Variants in BRD7 observed in about 807,000 individuals in gnomAD.
BRD7 encodes bromodomain-containing protein 7.
In BRD7, 15 loss-of-function variants were observed where a neutral mutation model predicts 82.1. The ratio of observed to expected loss-of-function variants is 0.18; its 90% CI spans 0.12 to 0.28. The LOEUF is 0.28. BRD7 is among the 10% of genes least tolerant of loss of function. The probability of loss-of-function intolerance (pLI) is 1.00; values close to 1 mark genes in which losing one functional copy is unlikely to be tolerated. For missense variants in BRD7, 638 were observed against 779.9 expected (o/e 0.82, Z 2.17); for synonymous variants, 232 against 266.9 (o/e 0.87, Z 1.27).
chr16:50,343,278 T>G (rs2038146452), intron 5 of BRD7, among the ~76,000 whole-genome samples: 2 of 152,196 alleles, frequency 1.3e-5, no homozygotes, highest in Admixed American at 1.3e-4. Flanking sequence ...GATATCCCCC[T>G]TGCTGTTCTT....
chr16:50,358,266 T>G (rs1041922209), intron 2 of BRD7, among the ~76,000 whole-genome samples: 6 of 152,192 alleles, frequency 3.9e-5, no homozygotes, highest in African/African-American at 1.4e-4. Flanking sequence ...GGCTCACCCC[T>G]GTCATCCCAG....
chr16:50,363,015 G>A (rs2038989667), intron 2 of BRD7, among the ~76,000 whole-genome samples: 1 of 150,254 alleles, frequency 6.7e-6, no homozygotes, highest in Admixed American at 6.7e-5. Context: ...AAAGCGCTCA[G>A]CACAGAACCT....
At chr16:50,350,841 A>G (rs995683384) in intron 4 of BRD7, among the ~76,000 whole-genome samples, 1 of 152,212 alleles carries the variant, frequency 6.6e-6, no homozygotes, top group African/African-American at 2.4e-5. Flanking sequence ...AAAAATTCCA[A>G]TGCGGGGAAG....
rs755693660 is a variant in BRD7, at chr16:50,320,793, C to G, written c.1501-19G>C. 3 of 1,554,258 alleles carry G rather than the reference C, an allele frequency of 1.9e-6. No homozygotes were observed. In the East Asian group the frequency reaches 6.7e-5, roughly 35 times the overall value. ...CTGTAATCTGCTTCAAAAGGAAAAA[C>G]AGGCAATTACTGGCGCTTGCTAAGC... On this transcript the variant is annotated intron_variant, in intron 13 of 16. Transcript: ENST00000394688.
At position 50,326,360 on chromosome 16, in the gene BRD7, C is replaced by G. The variant is rs189384934; in HGVS notation, c.1119G>C (p.Met373Ile). ...CTCCAGACTGAAGTCTTCCAGTTGT[C>G]ATTCCCAGTCTCACAGGGCAGTAGC... Reference protein sequence around the residue: ...EPGYCPVRLGMTTGRLQSGVN... With the variant: ...EPGYCPVRLGITTGRLQSGVN... The change falls in exon 10 of 17, where the codon ATG becomes ATC. Residue 373 changes from methionine (M) to isoleucine (I), a missense_variant. Met to Ile is a conservative substitution (Grantham distance 10). Coordinates refer to ENST00000394688, the MANE Select transcript of BRD7 (RefSeq NM_013263.5). 2 of 1,595,122 alleles carry G rather than the reference C, an allele frequency of 1.3e-6. No homozygotes were observed. The highest frequency in any genetic ancestry group is 4.5e-5 in the East Asian group (2 of 44,392).
At chr16:50,339,868 C>A (rs1233765545) in intron 6 of BRD7, 108 bp downstream of exon 6, 3 of 488,080 alleles carry the variant, frequency 6.1e-6, no homozygotes, top group Admixed American at 7.7e-5. Flanking sequence ...TATAATATAA[C>A]CTGCTAATAA....
intron 13 of BRD7, among the ~76,000 whole-genome samples, chr16:50,321,719 G>T (rs2037122465): frequency 6.6e-6 from 1 of 151,986 alleles, no homozygotes; most frequent in Admixed American, 6.6e-5. Flanking sequence ...TTTATACTAT[G>T]GTATGGCTCT....
Position 50,334,766 on chromosome 16 carries a change from C to G in BRD7, c.832G>C (p.Asp278His). 6.5e-7 allele frequency: 1 copy of G among 1,541,234 alleles called. No homozygotes were observed. Among genetic ancestry groups the G allele is most frequent in the Non-Finnish European group, 8.8e-7 (1 of 1,131,536 alleles). The stretch of plus-strand genomic sequence containing the variant: ...GCGTGTGCTTCGGCATCTCCAGAGT[C>G]CTCTCTCTCTCTCTGCCAGCAGCCT... ...DGGCWQRERE[D>H]SGDAEAHAFK... The change falls in exon 7 of 17, where the codon GAC (aspartate) becomes CAC (histidine). Residue 278 changes from aspartate (D) to histidine (H), a missense_variant. Around this residue, in one of 3 missense-constraint regions of BRD7, gnomAD observed 402 missense variants for 500.8 expected, o/e 0.80. Transcript: ENST00000394688.
chr16:50,334,858 A>T lies in BRD7; in HGVS notation c.740T>A (p.Met247Lys), dbSNP rs542874921. The T allele has an allele frequency of 1.2e-6, 2 of 1,614,194 alleles. No individual in the cohort carries two copies. Among genetic ancestry groups the T allele is most frequent in the South Asian group, 2.2e-5 (2 of 91,092 alleles). ...CTTTCGAGTTTTCTGCAAGTCAGCC[A>T]TGAAGTCTATGCTCTGCTTCAGGCT... ...IQSLKQSIDFMADLQKTRKQK... is the reference protein window; with the variant it reads ...IQSLKQSIDFKADLQKTRKQK... The change falls in exon 7 of 17, where the codon ATG (methionine) becomes AAG (lysine). Residue 247 changes from methionine to lysine, a missense_variant. This residue lies in a region of BRD7 where 402 missense variants were observed against 500.8 expected (regional missense o/e 0.80). Coordinates refer to ENST00000394688, the MANE Select transcript of BRD7 (RefSeq NM_013263.5).
At chr16:50,333,150 A>G (rs4785410) in intron 8 of BRD7, among the ~76,000 whole-genome samples, 152,250 of 152,348 alleles carry the variant, frequency 1, 76,076 homozygotes, top group Non-Finnish European at 1. Context: ...TAAAACCAAC[A>G]TGCTAAACAA....
At chr16:50,365,273 C>A (rs1223484117) in intron 2 of BRD7, among the ~76,000 whole-genome samples, 1 of 152,172 alleles carries the variant, frequency 6.6e-6, no homozygotes, top group Non-Finnish European at 1.5e-5. Context: ...AATCCATCTC[C>A]TAGGAGAGGA....
chr16:50,330,778 T>TA (rs1414119908), intron 8 of BRD7, among the ~76,000 whole-genome samples: 1 of 152,196 alleles, frequency 6.6e-6, no homozygotes, highest in Non-Finnish European at 1.5e-5. Flanking sequence ...CACACAACTT[T>TA]AGTAATCCTT....
At chr16:50,365,982 G>A (rs1290723524) in intron 2 of BRD7, among the ~76,000 whole-genome samples, 1 of 152,116 alleles carries the variant, frequency 6.6e-6, no homozygotes, top group African/African-American at 2.4e-5. Context: ...AGATAAGGGG[G>A]GAAGATCCTA....
chr16:50,343,941 T>C (rs2038177919), intron 5 of BRD7, among the ~76,000 whole-genome samples: 1 of 152,182 alleles, frequency 6.6e-6, no homozygotes, highest in African/African-American at 2.4e-5. Context: ...GAGTTTGAGA[T>C]CTGAGAACGG....
rs1434531623 is a variant in BRD7 at position 50,318,310 on chromosome 16, A to AAAAT, written c.*897_*900dup. The AAAAT allele has an allele frequency of 3.9e-5, 6 of 152,342 alleles. 1 individual carries two copies. Among genetic ancestry groups the AAAAT allele is most frequent in the African/African-American group, 7.2e-5 (3 of 41,584 alleles). The allele number at this position is 152,342 out of a possible 1,614,324, so 9.4% of individuals were successfully genotyped here. A position where few individuals can be genotyped will look rare whatever the true frequency, so the allele number is the denominator to read the frequency against. On this transcript the variant is annotated 3_prime_UTR_variant, in exon 17 of 17. Transcript: ENST00000394688. The stretch of plus-strand genomic sequence containing the variant: ...ATACTAATTAATTTTCAAAGTCAGG[A>AAAAT]AAATAATAGAAATCAAATGGCTTCC...
chr16:50,323,079 G>A (rs1445487385), intron 12 of BRD7, among the ~76,000 whole-genome samples: 1 of 152,180 alleles, frequency 6.6e-6, no homozygotes, highest in Non-Finnish European at 1.5e-5. Context: ...ACATTTTCTG[G>A]TTCTAATCCT....
At chr16:50,341,486 C>CA (rs1015926695) in intron 5 of BRD7, among the ~76,000 whole-genome samples, 1 of 151,068 alleles carries the variant, frequency 6.6e-6, no homozygotes, top group African/African-American at 2.4e-5. Flanking sequence ...ACTAAAAATA[C>CA]AAAAAAATTA....
intron 12 of BRD7, among the ~76,000 whole-genome samples, chr16:50,323,022 T>G (rs1386322665): frequency 6.6e-6 from 1 of 152,162 alleles, no homozygotes; most frequent in African/African-American, 2.4e-5. Context: ...CTCTAACTAT[T>G]GTGACAGGAA....
chr16:50,341,567 C>G (rs573632354), intron 5 of BRD7, among the ~76,000 whole-genome samples: 1 of 148,778 alleles, frequency 6.7e-6, no homozygotes, highest in South Asian at 2.1e-4. Flanking sequence ...TGCTTGAACC[C>G]TGAACGTGGA....
Sources: allele counts gnomAD v4.1 joint callset (sites outside exome capture counted in the v4.1 genomes callset), GRCh38; gene constraint gnomAD v4.1.1; regional missense constraint gnomAD v4.1.1; transcripts MANE v1.5; gene names NCBI Gene and HGNC (gene_info 2026-07-23, HGNC 2026-07-21).